TSPAN15: variants seen among roughly 807,000 people sequenced by gnomAD.
TSPAN15 encodes the protein tetraspanin 15.
In TSPAN15, 20 loss-of-function variants were observed where a neutral mutation model predicts 34.5. The ratio of observed to expected loss-of-function variants is 0.58; its 90% confidence interval spans 0.41 to 0.84. The LOEUF is 0.84. TSPAN15 is among the 40% of genes least tolerant of loss of function. The pLI is 0.00. For missense variants in TSPAN15, 313 were observed against 386.1 expected (o/e 0.81, Z 1.59); for synonymous variants, 155 against 153.9 (o/e 1.01, Z -0.05).
chr10:69,451,981 T>C (rs1392023631), intron 1 of TSPAN15, among the ~76,000 whole-genome samples: 1 of 152,270 alleles, frequency 6.6e-6, no homozygotes, highest in Non-Finnish European at 1.5e-5. Context: ...GCCGGCTGGC[T>C]AGGCTGAGGT....
downstream of TSPAN15, among the ~76,000 whole-genome samples, chr10:69,509,680 T>A (rs1589659639): frequency 1.3e-5 from 2 of 152,162 alleles, no homozygotes; most frequent in African/African-American, 4.8e-5. Context: ...CTGAATGGTA[T>A]TGCCTAGGTT....
Position 69,451,481 on chromosome 10 carries a change from A to T in TSPAN15, c.-114A>T. ...CGCTCCAGTGTCAGTCCCGGAGAGAACGCCGGTGGCGGGGCTGGTAGCCCG... is the reference window on the plus strand; with the variant it reads ...CGCTCCAGTGTCAGTCCCGGAGAGATCGCCGGTGGCGGGGCTGGTAGCCCG... On this transcript the variant is annotated 5_prime_UTR_variant, in exon 1 of 8. Coordinates refer to ENST00000373290, the MANE Select transcript of TSPAN15 (RefSeq NM_012339.5). 1 of 1,289,970 alleles carries T rather than the reference A, an allele frequency of 7.8e-7. No homozygotes were observed. 79.9% of individuals were successfully genotyped at this position (1,289,970 alleles called of 1,614,324 possible). A position where few individuals can be genotyped will look rare whatever the true frequency, so the allele number is the denominator to read the frequency against.
At chr10:69,545,897 T>C in the TSPAN15 span, among the ~76,000 whole-genome samples, 9 of 152,092 alleles carry the variant, frequency 5.9e-5, no homozygotes, top group Non-Finnish European at 1.0e-4. Context: ...CCAAGGTTGC[T>C]GTGAGCTGAG....
At chr10:69,545,498 T>G in the TSPAN15 span, among the ~76,000 whole-genome samples, 1 of 152,174 alleles carries the variant, frequency 6.6e-6, no homozygotes, top group Non-Finnish European at 1.5e-5. Context: ...AAGGTGAGGA[T>G]GATCTGCACA....
the TSPAN15 span, among the ~76,000 whole-genome samples, chr10:69,534,445 T>C: frequency 0.19 from 29,212 of 152,066 alleles, 3,038 homozygotes; most frequent in East Asian, 0.29. Flanking sequence ...GTACAATCCC[T>C]CAAAATAATG....
intron 5 of TSPAN15, 101 bp downstream of exon 5, chr10:69,498,497 T>C (rs186248209): frequency 1.4e-4 from 136 of 954,354 alleles, no homozygotes; most frequent in Admixed American, 3.0e-4. Flanking sequence ...GTGGTGTGGG[T>C]GGATGGCAGG....
chr10:69,501,980 C>T (rs1457043904), intron 5 of TSPAN15, among the ~76,000 whole-genome samples: 1 of 152,010 alleles, frequency 6.6e-6, no homozygotes, highest in Non-Finnish European at 1.5e-5. Context: ...ACCCCCCACC[C>T]CCCCGCACCC....
chr10:69,451,791 A>T, intron 1 of TSPAN15, 101 bp downstream of exon 1: 1 of 965,886 alleles, frequency 1.0e-6, no homozygotes, highest in Non-Finnish European at 1.4e-6. Context: ...CGCTCCAGGG[A>T]GTGCGCGGGT....
chr10:69,520,116 A>C, the TSPAN15 span, among the ~76,000 whole-genome samples: 1 of 152,210 alleles, frequency 6.6e-6, no homozygotes, highest in African/African-American at 2.4e-5. Context: ...ATACATTTCC[A>C]GAATGTTTTC....
intron 3 of TSPAN15, among the ~76,000 whole-genome samples, chr10:69,485,510 C>T (rs780796478): frequency 2.6e-5 from 4 of 151,748 alleles, no homozygotes; most frequent in Non-Finnish European, 4.4e-5. Context: ...AGCATGTGAG[C>T]AAAACAGCGT....
At chr10:69,495,503 C>A in intron 3 of TSPAN15, 91 bp from the exon 4 acceptor site, 1 of 924,800 alleles carries the variant, frequency 1.1e-6, no homozygotes, top group Non-Finnish European at 1.8e-6. Flanking sequence ...TGGCACAAGG[C>A]ATTCTCTACC....
chr10:69,508,991 G>A (rs761914417), downstream of TSPAN15, among the ~76,000 whole-genome samples: 3 of 152,222 alleles, frequency 2.0e-5, no homozygotes, highest in Non-Finnish European at 2.9e-5. Flanking sequence ...TGACCTAATG[G>A]ACACAAGGCC....
chr10:69,523,460 G>T, the TSPAN15 span: 1 of 547,808 alleles, frequency 1.8e-6, no homozygotes, highest in Non-Finnish European at 3.4e-6. Flanking sequence ...GCCCAAAGGG[G>T]CTTTCTGCAA....
the TSPAN15 span, among the ~76,000 whole-genome samples, chr10:69,525,830 A>AC: frequency 6.8e-6 from 1 of 146,316 alleles, no homozygotes; most frequent in Admixed American, 7.1e-5. Flanking sequence ...CAAAAAAAAA[A>AC]AAAACTATTC....
chr10:69,459,105 C>CAAA (rs1259881929), intron 1 of TSPAN15, among the ~76,000 whole-genome samples: 39 of 57,544 alleles, frequency 6.8e-4, no homozygotes, highest in African/African-American at 1.6e-3. Context: ...ACAAAACAGA[C>CAAA]AAAAAAAAAA....
downstream of TSPAN15, chr10:69,507,809 G>C (rs888267262): frequency 1.9e-5 from 9 of 468,632 alleles, no homozygotes; most frequent in African/African-American, 2.2e-5. Context: ...CAGGTGGGGG[G>C]TTGGGGGGAA....
chr10:69,489,670 A>G (rs1841927896), intron 3 of TSPAN15, among the ~76,000 whole-genome samples: 1 of 152,198 alleles, frequency 6.6e-6, no homozygotes, highest in Non-Finnish European at 1.5e-5. Flanking sequence ...AGACTCCTGG[A>G]TATAAGGAGG....
the TSPAN15 span, among the ~76,000 whole-genome samples, chr10:69,531,515 C>T: frequency 1.2e-3 from 190 of 152,268 alleles, 3 homozygotes; most frequent in Non-Finnish European, 1.5e-3. Context: ...GGGAGGATCA[C>T]CTGAGTCTGG....
chr10:69,503,286 G>A (rs1260676817), intron 5 of TSPAN15, among the ~76,000 whole-genome samples: 2 of 152,168 alleles, frequency 1.3e-5, no homozygotes, highest in Admixed American at 6.5e-5. Context: ...ACCCTCTCTC[G>A]GAAGGAGAGA....
Sources: allele counts gnomAD v4.1 joint callset (sites outside exome capture counted in the v4.1 genomes callset), GRCh38; gene constraint gnomAD v4.1.1; transcripts MANE v1.5; gene names NCBI Gene and HGNC (gene_info 2026-07-23, HGNC 2026-07-21).